CREB5: variants seen among roughly 807,000 people sequenced by gnomAD.
The protein encoded by CREB5 is cyclic AMP-responsive element-binding protein 5.
CREB5 carries 19 observed loss-of-function variants against 57.1 expected under a neutral mutation model. The ratio of observed to expected loss-of-function variants is 0.33; its 90% CI spans 0.23 to 0.49. CREB5 has a LOEUF of 0.49. Among genes scored for constraint, CREB5 ranks in the 20% least tolerant of loss-of-function variants. CREB5 has a pLI of 0.99. For missense variants in CREB5, 579 were observed against 671.6 expected, an observed-to-expected ratio of 0.86 and a Z score of 1.52; for synonymous variants, 238 against 238.3, an observed-to-expected ratio of 1.00 and a Z score of 0.01.
chr7:28,334,010 C>T (rs1348951717), intron 1 of CREB5, among the ~76,000 whole-genome samples: 1 of 152,196 alleles, frequency 6.6e-6, no homozygotes, highest in African/African-American at 2.4e-5. Flanking sequence ...TATATTCCCA[C>T]CAACGGTGTT....
chr7:28,697,382 T>C (rs1188279984), intron 5 of CREB5, among the ~76,000 whole-genome samples: 1 of 152,106 alleles, frequency 6.6e-6, no homozygotes, highest in Non-Finnish European at 1.5e-5. Context: ...CATATAAAAT[T>C]AAGGTATTTT....
At chr7:28,409,762 C>T (rs1214856127), upstream of CREB5, 1 of 379,650 alleles carries the variant, frequency 2.6e-6, no homozygotes, top group Non-Finnish European at 5.1e-6. The surrounding 1 kb of genome is among the most constrained non-coding windows in gnomAD (Gnocchi z 4.4). Flanking sequence ...TCGGTGGCCG[C>T]CGCGCCGCGC....
At position 28,804,390 on chromosome 7, in the gene CREB5, A is replaced by G; in HGVS notation, c.894A>G (p.Ala298=). ...ACCCACACCAGCACCAGCACCCAGC[A>G]CACCATCCTCACCCTCAACCCCATC... ...HPYPHQHQHP[A]HHPHPQPHHQ... Residue 298 remains alanine (A), a synonymous_variant, in exon 8 of 11, where the codon GCA becomes GCG. Transcript: ENST00000357727. 1 of 1,613,768 alleles carries G rather than the reference A, an allele frequency of 6.2e-7. No homozygotes were observed.
chr7:28,440,894 G>A (rs989882245), intron 1 of CREB5, among the ~76,000 whole-genome samples: 25 of 152,098 alleles, frequency 1.6e-4, no homozygotes, highest in African/African-American at 5.8e-4. Flanking sequence ...GATTGGCCAC[G>A]GCCATCAGAA....
At chr7:28,493,567 C>A (rs1345466165) in intron 2 of CREB5, among the ~76,000 whole-genome samples, 2 of 152,132 alleles carry the variant, frequency 1.3e-5, no homozygotes, top group Non-Finnish European at 2.9e-5. Context: ...TGCTAGTTGC[C>A]ATGTTAAAAC....
At chr7:28,454,445 C>T (rs1254693640) in intron 1 of CREB5, among the ~76,000 whole-genome samples, 2 of 152,170 alleles carry the variant, frequency 1.3e-5, no homozygotes, top group Non-Finnish European at 1.5e-5. Context: ...TGACCTTCTG[C>T]TGTCTGCCGT....
At chr7:28,348,162 T>C (rs1786105893) in intron 1 of CREB5, among the ~76,000 whole-genome samples, 1 of 152,118 alleles carries the variant, frequency 6.6e-6, no homozygotes, top group Admixed American at 6.5e-5. Flanking sequence ...GGATCACCGG[T>C]TATCCATGTG....
chr7:28,525,755 ATGTGTGTGTGTC>A (rs1793421135), intron 4 of CREB5, among the ~76,000 whole-genome samples: 1 of 151,916 alleles, frequency 6.6e-6, no homozygotes, highest in Non-Finnish European at 1.5e-5. Context: ...GTGTGTGTGT[ATGTGTGTGTGTC>A]TGTGTGTGTA....
chr7:28,306,661 C>T (rs1241821613), intron 1 of CREB5, among the ~76,000 whole-genome samples: 3 of 147,092 alleles, frequency 2.0e-5, no homozygotes, highest in African/African-American at 7.5e-5. Context: ...CCCGGGTTCA[C>T]GCCATTCTCC....
upstream of CREB5, among the ~76,000 whole-genome samples, chr7:28,411,955 A>G (rs1446013744): frequency 8.2e-6 from 1 of 121,332 alleles, no homozygotes; most frequent in Middle Eastern, 3.4e-3. Context: ...GACTTAAAGG[A>G]AAAAAAATGG....
intron 4 of CREB5, among the ~76,000 whole-genome samples, chr7:28,549,507 C>T (rs888436385): frequency 3.9e-5 from 6 of 152,166 alleles, no homozygotes; most frequent in African/African-American, 1.4e-4. Context: ...GTATTTAGTA[C>T]CTACACACCT....
chr7:28,560,985 CGTGTGTGT>C (rs1364771142), intron 4 of CREB5, among the ~76,000 whole-genome samples: 2 of 27,360 alleles, frequency 7.3e-5, no homozygotes, highest in Non-Finnish European at 8.1e-5. Flanking sequence ...TGTGTGCGTG[CGTGTGTGT>C]GCCTGCGTGT....
intron 5 of CREB5, among the ~76,000 whole-genome samples, chr7:28,630,396 G>A (rs41299): frequency 0.031 from 4,666 of 152,184 alleles, 239 homozygotes; most frequent in African/African-American, 0.1. Flanking sequence ...AGCAACTTCA[G>A]GAACAATGGG....
intron 1 of CREB5, among the ~76,000 whole-genome samples, chr7:28,404,186 AAG>A (rs1787531275): frequency 6.6e-6 from 1 of 152,160 alleles, no homozygotes; most frequent in Admixed American, 6.5e-5. Context: ...GGAAAAGAAA[AAG>A]AACTATGGGC....
chr7:28,593,488 A>G (rs1320972934), intron 5 of CREB5, among the ~76,000 whole-genome samples: 1 of 152,166 alleles, frequency 6.6e-6, no homozygotes, highest in East Asian at 1.9e-4. Flanking sequence ...GCCTCAAGTG[A>G]TCTGCCCACC....
chr7:28,358,433 C>T (rs1786390459), intron 1 of CREB5, among the ~76,000 whole-genome samples: 1 of 152,180 alleles, frequency 6.6e-6, no homozygotes, highest in Non-Finnish European at 1.5e-5. Flanking sequence ...GGTGTGCGGT[C>T]AGCATCAGGA....
intron 7 of CREB5, among the ~76,000 whole-genome samples, chr7:28,793,663 A>G (rs1807860194): frequency 1.3e-5 from 2 of 152,238 alleles, no homozygotes; most frequent in South Asian, 4.1e-4. Flanking sequence ...CGCCCTCCCA[A>G]GGGCTTGGGG....
At chr7:28,338,478 T>C (rs1785871121) in intron 1 of CREB5, among the ~76,000 whole-genome samples, 1 of 152,232 alleles carries the variant, frequency 6.6e-6, no homozygotes, top group African/African-American at 2.4e-5. Context: ...CACTGAAAAG[T>C]CTGCTGCCAG....
intron 1 of CREB5, among the ~76,000 whole-genome samples, chr7:28,363,818 C>T (rs1167029965): frequency 6.6e-6 from 1 of 152,166 alleles, no homozygotes; most frequent in African/African-American, 2.4e-5. Context: ...CCTTTGTTCT[C>T]ATCTGTGAAA....
Sources: allele counts gnomAD v4.1 joint callset (sites outside exome capture counted in the v4.1 genomes callset), GRCh38; gene constraint gnomAD v4.1.1; non-coding constraint Gnocchi (gnomAD v3.1); transcripts MANE v1.5; gene names NCBI Gene and HGNC (gene_info 2026-07-23, HGNC 2026-07-21).